Variants in CTLA4 observed in about 807,000 individuals in gnomAD.
CTLA4 encodes cytotoxic T-lymphocyte associated protein 4, also known as cytotoxic T-lymphocyte protein 4.
In CTLA4, 3 loss-of-function variants were observed where a neutral mutation model predicts 20.4. That is an observed-to-expected ratio of 0.15 (90% CI 0.07 to 0.38). The LOEUF (loss-of-function observed/expected upper bound fraction) is 0.38, where lower values mean the gene tolerates loss of function less well. CTLA4 is among the 10% of genes least tolerant of loss of function. The pLI, the probability that CTLA4 is intolerant of heterozygous loss-of-function variation, is 1.00. For missense variants in CTLA4, 184 were observed against 276.8 expected, an observed-to-expected ratio of 0.66 and a Z score of 2.38; for synonymous variants, 100 against 105.2, an observed-to-expected ratio of 0.95 and a Z score of 0.30.
rs1688731136 is a variant in CTLA4, at chr2:203,871,441, T to A, written c.521T>A (p.Leu174Ter). The A allele has an allele frequency of 6.2e-7, 1 of 1,614,096 alleles. No homozygotes were observed. The highest frequency in any genetic ancestry group is 1.3e-5 in the African/African-American group (1 of 74,936). ...LWILAAVSSG[L>*]FFYSFLLTAV... ...ATCCTTGCAGCAGTTAGTTCGGGGT[T>A]GTTTTTTTATAGCTTTCTCCTCACA... Residue 174 changes from leucine to a stop codon, truncating the protein, a stop_gained, in exon 3 of 4, where the codon TTG (leucine) becomes TAG (stop). Coordinates refer to ENST00000648405, the MANE Select transcript of CTLA4 (RefSeq NM_005214.5). LOFTEE classifies it high-confidence loss of function.
chr2:203,873,407 A>G lies in CTLA4; in HGVS notation c.*595A>G. 1 of 218,560 alleles carries G rather than the reference A, an allele frequency of 4.6e-6. No individual in the cohort carries two copies. The highest frequency in any genetic ancestry group is 7.2e-5 in the East Asian group (1 of 13,824). 13.5% of individuals were successfully genotyped at this position (218,560 alleles called of 1,614,324 possible). ...ATTTTAATTTGATAGTATTGTGCAT[A>G]GAGCCACGTATGTTTTTGTGTATTT... On this transcript the variant is annotated 3_prime_UTR_variant, in exon 4 of 4. Coordinates refer to ENST00000648405, the MANE Select transcript of CTLA4 (RefSeq NM_005214.5).
intron 3 of CTLA4, among the ~76,000 whole-genome samples, chr2:203,871,967 T>C (rs1480579084): frequency 6.6e-6 from 1 of 152,184 alleles, no homozygotes; most frequent in Non-Finnish European, 1.5e-5. Flanking sequence ...ACATGACACC[T>C]ATCCCTGTTA....
rs1279658300 is a variant in CTLA4, at chr2:203,873,399, T to C, written c.*587T>C. ...ATATATATATTTTAATTTGATAGTA[T>C]TGTGCATAGAGCCACGTATGTTTTT... is the stretch of plus-strand genomic sequence containing the variant. On this transcript the variant is annotated 3_prime_UTR_variant, in exon 4 of 4. Coordinates refer to ENST00000648405, the MANE Select transcript of CTLA4 (RefSeq NM_005214.5). The C allele has an allele frequency of 1.8e-5, 4 of 225,354 alleles. No individual in the cohort carries two copies. The highest frequency in any genetic ancestry group is 3.3e-5 in the Non-Finnish European group (4 of 119,824). 14.0% of individuals were successfully genotyped at this position (225,354 alleles called of 1,614,324 possible).
chr2:203,868,116 T>C, intron 1 of CTLA4, 65 bp downstream of exon 1: 1 of 1,297,592 alleles, frequency 7.7e-7, no homozygotes, highest in Non-Finnish European at 1.1e-6. Flanking sequence ...TTCATTTGTT[T>C]CAGCAGTCAA....
At position 203,871,514 on chromosome 2, in the gene CTLA4, T is replaced by C. The variant is rs112640013; in HGVS notation, c.567+27T>C. 1.1e-5 allele frequency: 16 copies of C among 1,496,414 alleles called. No homozygotes were observed. The Admixed American group carries it at 2.0e-4, about 19-fold the overall frequency. The allele number at this position is 1,496,414 out of a possible 1,614,324, so 92.7% of individuals were successfully genotyped here. Reference sequence around the variant, plus strand: ...TGAGTGTGGTGCTGATGGTGCACCATGTCTGATGGGGATACCTTTAGTGGT... The same window carrying C: ...TGAGTGTGGTGCTGATGGTGCACCACGTCTGATGGGGATACCTTTAGTGGT... On this transcript the variant is annotated intron_variant, in intron 3 of 3. Transcript: ENST00000648405.
intron 3 of CTLA4, 79 bp from the exon 4 acceptor site, chr2:203,872,629 A>C (rs1051859586): frequency 1.5e-5 from 12 of 800,242 alleles, no homozygotes; most frequent in Admixed American, 5.9e-5. Context: ...GGGACCCAAT[A>C]TGTGTTGAGT....
At chr2:203,872,646 A>G in intron 3 of CTLA4, 62 bp from the exon 4 acceptor site, 1 of 983,938 alleles carries the variant, frequency 1.0e-6, no homozygotes, top group Non-Finnish European at 1.6e-6. Context: ...GAGTTCTATT[A>G]TGGTTAGAAG....
intron 1 of CTLA4, among the ~76,000 whole-genome samples, chr2:203,869,762 A>T (rs1581572972): frequency 6.6e-6 from 1 of 152,222 alleles, no homozygotes; most frequent in African/African-American, 2.4e-5. Flanking sequence ...AGTTGATGCA[A>T]GCCTCTCTGT....
rs60872763 is a variant in CTLA4, at chr2:203,873,327, C to CATATATATATAT, written c.*560_*571dup. 9 of 175,632 alleles carry CATATATATATAT rather than the reference C, an allele frequency of 5.1e-5. No homozygotes were observed. The highest frequency in any genetic ancestry group is 2.0e-4 in the South Asian group (1 of 5,116). 10.9% of individuals were successfully genotyped at this position (175,632 alleles called of 1,614,324 possible). On this transcript the variant is annotated 3_prime_UTR_variant, in exon 4 of 4. Coordinates refer to ENST00000648405, the MANE Select transcript of CTLA4 (RefSeq NM_005214.5). ...TGCTAAAGGTTGTATTGCATATATA[C>CATATATATATAT]ATATATATATATATATATATATATA...
intron 3 of CTLA4, 100 bp downstream of exon 3, chr2:203,871,587 A>G: frequency 1.1e-6 from 1 of 928,170 alleles, no homozygotes; most frequent in South Asian, 1.4e-5. Flanking sequence ...TTGAGATGAG[A>G]TGAGGCAATA....
At position 203,873,317 on chromosome 2, in the gene CTLA4, T is replaced by G; in HGVS notation, c.*505T>G. 4.7e-6 allele frequency: 1 copy of G among 213,884 alleles called. No individual in the cohort carries two copies. Among genetic ancestry groups the G allele is most frequent in the Non-Finnish European group, 8.2e-6 (1 of 122,174 alleles). 13.2% of individuals were successfully genotyped at this position (213,884 alleles called of 1,614,324 possible). On this transcript the variant is annotated 3_prime_UTR_variant, in exon 4 of 4. Coordinates refer to ENST00000648405, the MANE Select transcript of CTLA4 (RefSeq NM_005214.5). ...TAGCCAGTGATGCTAAAGGTTGTAT[T>G]GCATATATACATATATATATATATA...
At chr2:203,868,338 A>G (rs1248347316) in intron 1 of CTLA4, among the ~76,000 whole-genome samples, 2 of 152,194 alleles carry the variant, frequency 1.3e-5, no homozygotes, top group Non-Finnish European at 2.9e-5. Flanking sequence ...AGACCCTTCT[A>G]TGAGACTGGA....
Position 203,871,478 on chromosome 2 carries a change from G to A in CTLA4, c.558G>A (p.Leu186=). The change falls in exon 3 of 4, where the codon TTG becomes TTA. Residue 186 remains leucine (L), a synonymous_variant. Coordinates refer to ENST00000648405, the MANE Select transcript of CTLA4 (RefSeq NM_005214.5). ...FYSFLLTAVS[L]SKMLKKRSPL... is the part of the protein sequence containing the mutation. Reference sequence around the variant, plus strand: ...GCTTTCTCCTCACAGCTGTTTCTTTGAGCAAAATGGTGAGTGTGGTGCTGA... The same window carrying A: ...GCTTTCTCCTCACAGCTGTTTCTTTAAGCAAAATGGTGAGTGTGGTGCTGA... 6.2e-7 allele frequency: 1 copy of A among 1,612,556 alleles called. No homozygotes were observed. The highest frequency in any genetic ancestry group is 8.5e-7 in the Non-Finnish European group (1 of 1,178,654).
chr2:203,871,742 G>A (rs1423751044), intron 3 of CTLA4, among the ~76,000 whole-genome samples: 5 of 152,304 alleles, frequency 3.3e-5, no homozygotes, highest in Admixed American at 1.3e-4. Flanking sequence ...TTGAGTAACC[G>A]TTGCAATAAC....
chr2:203,871,045 C>T (rs1688721393), intron 2 of CTLA4, 112 bp downstream of exon 2: 3 of 869,980 alleles, frequency 3.4e-6, no homozygotes, highest in Non-Finnish European at 3.5e-6. Context: ...TGTGGACATT[C>T]TCTTTAAGAG....
chr2:203,868,906 A>C (rs1344501043), intron 1 of CTLA4, among the ~76,000 whole-genome samples: 1 of 152,176 alleles, frequency 6.6e-6, no homozygotes, highest in East Asian at 1.9e-4. Flanking sequence ...TACTCAAAAG[A>C]TATTTGATGA....
chr2:203,871,138 G>A (rs41265961), intron 2 of CTLA4, among the ~76,000 whole-genome samples: 3,721 of 152,304 alleles, frequency 0.024, 58 homozygotes, highest in Non-Finnish European at 0.04. Flanking sequence ...ATTTGGGGAA[G>A]TTGGGGCTCT....
rs771072678 is a variant in CTLA4 at position 203,872,819 on chromosome 2, A to G, written c.*7A>G. The G allele has an allele frequency of 6.5e-7, 1 of 1,549,304 alleles. No homozygotes were observed. Among genetic ancestry groups the G allele is most frequent in the South Asian group, 1.1e-5 (1 of 89,704 alleles). ...TTTTATTCCCATCAATTGAGAAACC[A>G]TTATGAAGAAGAGAGTCCATATTTC... On this transcript the variant is annotated 3_prime_UTR_variant, in exon 4 of 4. Transcript: ENST00000648405.
intron 2 of CTLA4, 135 bp downstream of exon 2, chr2:203,871,068 T>TTCTCTTTAA (rs1688721844): frequency 1.4e-6 from 1 of 738,518 alleles, no homozygotes; most frequent in East Asian, 2.7e-5. Flanking sequence ...CTGTACCACA[T>TTCTCTTTAA]GGTAGCCTTG....
Sources: allele counts gnomAD v4.1 joint callset (sites outside exome capture counted in the v4.1 genomes callset), GRCh38; gene constraint gnomAD v4.1.1; transcripts MANE v1.5; gene names NCBI Gene and HGNC (gene_info 2026-07-23, HGNC 2026-07-21).